The following NCOA2 variants were observed in gnomAD, a reference collection of about 807,000 sequenced individuals.
NCOA2 encodes class E basic helix-loop-helix protein 75.
NCOA2 carries 21 observed loss-of-function variants against 145.1 expected under a neutral mutation model. That is an observed-to-expected ratio of 0.14 (90% CI 0.10 to 0.21). The LOEUF (loss-of-function observed/expected upper bound fraction) is 0.21, where lower values mean the gene tolerates loss of function less well. NCOA2 is among the 10% of genes least tolerant of loss of function. The pLI is 1.00. For missense variants in NCOA2, 1,472 were observed against 1,837.6 expected (o/e 0.80, Z 3.64); for synonymous variants, 619 against 637.5 (o/e 0.97, Z 0.44).
intron 15 of NCOA2, among the ~76,000 whole-genome samples, chr8:70,133,253 C>T (rs954619082): frequency 2.1e-5 from 3 of 142,120 alleles, no homozygotes; most frequent in African/African-American, 8.2e-5. Context: ...GTTGCCCAGG[C>T]TGGAGTGCAG....
intron 4 of NCOA2, among the ~76,000 whole-genome samples, chr8:70,192,247 T>C (rs2133279576): frequency 6.6e-6 from 1 of 152,188 alleles, no homozygotes. Context: ...CAATCCTTAC[T>C]CCCCAAAGAG....
chr8:70,144,048 C>A (rs1198243732), intron 13 of NCOA2, among the ~76,000 whole-genome samples: 1 of 152,180 alleles, frequency 6.6e-6, no homozygotes, highest in African/African-American at 2.4e-5. Flanking sequence ...AGGAAATGTG[C>A]CTAGGCAAAT....
chr8:70,307,267 G>C (rs1328933080), intron 1 of NCOA2, among the ~76,000 whole-genome samples: 3 of 146,990 alleles, frequency 2.0e-5, no homozygotes, highest in East Asian at 2.0e-4. Context: ...AATATTGCAG[G>C]ATAAAAGACA....
chr8:70,148,389 G>A lies in NCOA2; in HGVS notation c.2489C>T (p.Pro830Leu), dbSNP rs764219279. The A allele has an allele frequency of 1.9e-6, 3 of 1,614,000 alleles. No homozygotes were observed. In the Admixed American group the frequency reaches 5.0e-5, roughly 27 times the overall value. ...QLFPDTRPGA[P>L]AGSVDKQAII... ...GGCTTGCTTGTCAACTGATCCAGCA[G>A]GGGCGCCTGGCCTCGTGTCTGGGAA... The change falls in exon 12 of 23, where the codon CCT becomes CTT. Residue 830 changes from proline to leucine, a missense_variant. Transcript: ENST00000452400.
chr8:70,138,722 G>A lies in NCOA2; in HGVS notation c.3029-390C>T, dbSNP rs1248905751. On this transcript the variant is annotated intron_variant, in intron 14 of 22. Coordinates refer to ENST00000452400, the MANE Select transcript of NCOA2 (RefSeq NM_006540.4). ...TTAAAAGATTTTTTTCTAGATCCAA[G>A]TAAGTGGAAGAAATAAGATTTTTGA... 3.3e-5 allele frequency among the ~76,000 whole-genome samples: 5 copies of A among 152,326 alleles called. No individual in the cohort carries two copies. In the East Asian group the frequency reaches 9.6e-4, roughly 29 times the overall value.
chr8:70,272,919 TCTAATA>T (rs1216056309), intron 2 of NCOA2, among the ~76,000 whole-genome samples: 3 of 152,160 alleles, frequency 2.0e-5, no homozygotes, highest in Non-Finnish European at 4.4e-5. Flanking sequence ...TAAAGTAATC[TCTAATA>T]CTATCAGAAA....
At chr8:70,155,359 A>G (rs1188393799) in intron 11 of NCOA2, among the ~76,000 whole-genome samples, 3 of 152,228 alleles carry the variant, frequency 2.0e-5, no homozygotes, top group Non-Finnish European at 2.9e-5. Flanking sequence ...TTAAACTCTG[A>G]TCTTAAAAAG....
At chr8:70,140,597 T>TTG (rs1810289601) in intron 14 of NCOA2, among the ~76,000 whole-genome samples, 1 of 141,664 alleles carries the variant, frequency 7.1e-6, no homozygotes, top group Admixed American at 7.0e-5. Context: ...ACCTAAGTTT[T>TTG]TTTTTTTTTT....
Position 70,113,388 on chromosome 8 carries a change from G to C in NCOA2, c.*244C>G. ...CAGGAGAGATCTAAGTTGCACTAAG[G>C]TGAATGCAGTGAACAGACTGAGCGA... On this transcript the variant is annotated 3_prime_UTR_variant, in exon 23 of 23. Transcript: ENST00000452400. 1.7e-6 allele frequency: 1 copy of C among 574,502 alleles called. No homozygotes were observed. The highest frequency in any genetic ancestry group is 3.1e-6 in the Non-Finnish European group (1 of 320,760). The allele number at this position is 574,502 out of a possible 1,614,324, so 35.6% of individuals were successfully genotyped here.
chr8:70,313,287 T>G (rs1805278429), intron 1 of NCOA2, among the ~76,000 whole-genome samples: 1 of 152,222 alleles, frequency 6.6e-6, no homozygotes, highest in Non-Finnish European at 1.5e-5. Context: ...ATTAGGCATT[T>G]CTAACCCTTC....
the NCOA2 span, among the ~76,000 whole-genome samples, chr8:70,409,433 G>A: frequency 6.6e-6 from 1 of 152,208 alleles, no homozygotes; most frequent in Non-Finnish European, 1.5e-5. Flanking sequence ...GTACAAAGTT[G>A]TCAAATAAAT....
chr8:70,407,241 A>G (rs1814797170), upstream of NCOA2, among the ~76,000 whole-genome samples: 1 of 152,158 alleles, frequency 6.6e-6, no homozygotes. Context: ...TTTCATTCTT[A>G]TTGTTTGCTC....
the NCOA2 span, among the ~76,000 whole-genome samples, chr8:70,435,633 C>T: frequency 6.6e-6 from 1 of 151,014 alleles, no homozygotes; most frequent in Non-Finnish European, 1.5e-5. Context: ...TAAATTCACA[C>T]ATGTAAAATA....
chr8:70,220,558 G>GT (rs1293425452), intron 2 of NCOA2, among the ~76,000 whole-genome samples: 3 of 152,180 alleles, frequency 2.0e-5, no homozygotes, highest in Admixed American at 1.3e-4. Flanking sequence ...CTTACGATTA[G>GT]TAAGTTTTAT....
upstream of NCOA2, among the ~76,000 whole-genome samples, chr8:70,405,665 TAATAAATA>T (rs530876297): frequency 1.3e-5 from 2 of 150,880 alleles, no homozygotes; most frequent in East Asian, 2.0e-4. Flanking sequence ...GGAGTTGTGA[TAATAAATA>T]AATAAATAAA....
At chr8:70,246,060 T>G (rs1486659134) in intron 2 of NCOA2, among the ~76,000 whole-genome samples, 1 of 152,056 alleles carries the variant, frequency 6.6e-6, no homozygotes, top group Non-Finnish European at 1.5e-5. Flanking sequence ...AAAATAATAA[T>G]CAGAAGTTCC....
At chr8:70,438,826 A>G in the NCOA2 span, among the ~76,000 whole-genome samples, 1 of 152,234 alleles carries the variant, frequency 6.6e-6, no homozygotes, top group African/African-American at 2.4e-5. Context: ...GCTCAAGTCT[A>G]TGTGATACCA....
At chr8:70,454,714 C>T in the NCOA2 span, among the ~76,000 whole-genome samples, 6 of 152,304 alleles carry the variant, frequency 3.9e-5, no homozygotes, top group Middle Eastern at 3.4e-3. Context: ...CCATAAAAAC[C>T]ATTCCACGAG....
the NCOA2 span, among the ~76,000 whole-genome samples, chr8:70,420,573 G>A: frequency 2.0e-5 from 3 of 152,160 alleles, no homozygotes; most frequent in African/African-American, 7.2e-5. Context: ...AGGGAGGTGG[G>A]GAGTTTAAAG....
Sources: gnomAD v4.1 joint callset for allele counts (sites outside exome capture counted in the v4.1 genomes callset) on GRCh38, gnomAD v4.1.1 for gene constraint, MANE v1.5 for transcripts, NCBI Gene and HGNC (gene_info 2026-07-23, HGNC 2026-07-21) for gene names.